ZCWPW2: variants seen among roughly 807,000 people sequenced by gnomAD.
ZCWPW2 encodes zinc finger CW-type and PWWP domain containing 2.
A neutral mutation model predicts 46.6 loss-of-function variants in ZCWPW2; 45 were observed. The ratio of observed to expected loss-of-function variants is 0.96; its 90% CI spans 0.76 to 1.24. The LOEUF (loss-of-function observed/expected upper bound fraction) is 1.24, where lower values mean the gene tolerates loss of function less well. ZCWPW2 is among the 50% of genes most tolerant of loss of function. The pLI is 0.00. For missense variants in ZCWPW2, 429 were observed against 403.9 expected (o/e 1.06, Z -0.53); for synonymous variants, 152 against 137.1 (o/e 1.11, Z -0.76).
intron 4 of ZCWPW2, among the ~76,000 whole-genome samples, chr3:28,451,319 C>T (rs910677181): frequency 2.6e-5 from 4 of 152,172 alleles, no homozygotes; most frequent in Non-Finnish European, 5.9e-5. Context: ...AACGGAGACT[C>T]AGCCTACATG....
At chr3:28,430,478 T>TATAAGA (rs772373054) in intron 3 of ZCWPW2, among the ~76,000 whole-genome samples, 1 of 152,224 alleles carries the variant, frequency 6.6e-6, no homozygotes, top group Non-Finnish European at 1.5e-5. Flanking sequence ...TTGCCTTGTC[T>TATAAGA]CAGATGAGAC....
chr3:28,502,138 T>C (rs770701858), intron 6 of ZCWPW2, among the ~76,000 whole-genome samples: 24 of 152,156 alleles, frequency 1.6e-4, no homozygotes, highest in Non-Finnish European at 4.4e-5. Flanking sequence ...TTTAACAAGA[T>C]ACTCTTTAGT....
chr3:28,424,445 TAAG>T (rs1258001447), intron 3 of ZCWPW2, among the ~76,000 whole-genome samples: 1 of 152,018 alleles, frequency 6.6e-6, no homozygotes, highest in Non-Finnish European at 1.5e-5. Context: ...AGATCAAAAG[TAAG>T]AAGGGCCCTA....
At chr3:28,499,231 C>G (rs139278220) in intron 6 of ZCWPW2, among the ~76,000 whole-genome samples, 1 of 152,152 alleles carries the variant, frequency 6.6e-6, no homozygotes, top group Non-Finnish European at 1.5e-5. Flanking sequence ...ACACTGTCTT[C>G]CACAGTGGTT....
rs1315758260 is a variant in ZCWPW2, at chr3:28,365,426, T to C, written c.-134+16223T>C. 4.2e-5 allele frequency among the ~76,000 whole-genome samples: 6 copies of C among 141,274 alleles called. 1 individual carries two copies. The highest frequency in any genetic ancestry group is 6.3e-5 in the Non-Finnish European group (4 of 63,056). The allele number at this position is 141,274 out of a possible 152,430, so 92.7% of individuals were successfully genotyped here. On this transcript the variant is annotated intron_variant, in intron 1 of 9. Transcript: ENST00000383768. Reference sequence around the variant, plus strand: ...GGAATCGTTTCCCCATTGCTTGTTTTTGTCAGGTTTGTCAAAGATCATATG... The same window carrying C: ...GGAATCGTTTCCCCATTGCTTGTTTCTGTCAGGTTTGTCAAAGATCATATG...
intron 1 of ZCWPW2, among the ~76,000 whole-genome samples, chr3:28,372,372 G>A (rs1046271633): frequency 1.3e-5 from 2 of 152,002 alleles, no homozygotes; most frequent in African/African-American, 4.8e-5. Flanking sequence ...TTTAGAAAAG[G>A]AAAATAAGCA....
intron 2 of ZCWPW2, among the ~76,000 whole-genome samples, chr3:28,404,792 C>G (rs553368827): frequency 6.6e-6 from 1 of 152,136 alleles, no homozygotes; most frequent in Non-Finnish European, 1.5e-5. Flanking sequence ...GAAAACCAAA[C>G]GTCATATTCC....
At position 28,350,960 on chromosome 3, in the gene ZCWPW2, G is replaced by C. The variant is rs149044084; in HGVS notation, c.-134+1757G>C. Reference sequence around the variant, plus strand: ...ATCTTGATTCCATTGAAATTTATTGGAACTTTGCTTAGGGATTTTTTTCAG... The same window carrying C: ...ATCTTGATTCCATTGAAATTTATTGCAACTTTGCTTAGGGATTTTTTTCAG... On this transcript the variant is annotated intron_variant, in intron 1 of 9. Transcript: ENST00000383768. Among the ~76,000 whole-genome samples, 749 of 151,806 alleles carry C rather than the reference G, an allele frequency of 4.9e-3. 26 individuals are homozygous for C. Among genetic ancestry groups the C allele is most frequent in the African/African-American group, 0.018 (722 of 41,228 alleles).
intron 4 of ZCWPW2, among the ~76,000 whole-genome samples, chr3:28,440,618 C>G (rs1234118389): frequency 6.6e-6 from 1 of 152,186 alleles, no homozygotes; most frequent in Non-Finnish European, 1.5e-5. Context: ...ACTGTTCTAT[C>G]AATCCAGCTA....
intron 3 of ZCWPW2, among the ~76,000 whole-genome samples, chr3:28,413,628 A>G (rs1696499886): frequency 6.6e-6 from 1 of 151,968 alleles, no homozygotes; most frequent in Non-Finnish European, 1.5e-5. Context: ...AAAGCTATAA[A>G]TTTTTCTCCA....
chr3:28,524,099 C>A (rs574140701), intron 9 of ZCWPW2, among the ~76,000 whole-genome samples: 30 of 151,986 alleles, frequency 2.0e-4, no homozygotes, highest in South Asian at 6.2e-4. Context: ...TTACTAGTAT[C>A]CTTTCCCACT....
At chr3:28,379,832 A>G (rs751724074) in intron 1 of ZCWPW2, among the ~76,000 whole-genome samples, 15 of 152,220 alleles carry the variant, frequency 9.9e-5, no homozygotes, top group Admixed American at 1.3e-4. Flanking sequence ...CTCAAGTAAC[A>G]TATCAAGAAG....
intron 1 of ZCWPW2, among the ~76,000 whole-genome samples, chr3:28,379,826 A>G (rs929285989): frequency 1.1e-4 from 17 of 152,204 alleles, no homozygotes; most frequent in African/African-American, 4.1e-4. Context: ...TTGTAGCTCA[A>G]GTAACATATC....
intron 3 of ZCWPW2, among the ~76,000 whole-genome samples, chr3:28,433,401 A>C (rs890573005): frequency 1.3e-5 from 2 of 152,132 alleles, no homozygotes; most frequent in African/African-American, 4.8e-5. Context: ...TTTTCAAACC[A>C]TGTTTTCACC....
intron 2 of ZCWPW2, among the ~76,000 whole-genome samples, chr3:28,391,998 G>A (rs928666440): frequency 1.3e-5 from 2 of 152,202 alleles, no homozygotes; most frequent in African/African-American, 4.8e-5. Flanking sequence ...TACATTGAAT[G>A]TCAGTGGATC....
intron 4 of ZCWPW2, among the ~76,000 whole-genome samples, chr3:28,477,114 AT>A (rs528264225): frequency 6.6e-6 from 1 of 152,124 alleles, no homozygotes; most frequent in East Asian, 1.9e-4. Flanking sequence ...CTTTAAAGTG[AT>A]TTTTCACCAT....
intron 5 of ZCWPW2, among the ~76,000 whole-genome samples, chr3:28,488,664 A>G (rs1699691054): frequency 6.6e-6 from 1 of 152,200 alleles, no homozygotes. Context: ...CTACTCATTT[A>G]GAACATTTTC....
At chr3:28,370,275 G>T (rs1411827247) in intron 1 of ZCWPW2, among the ~76,000 whole-genome samples, 1 of 152,150 alleles carries the variant, frequency 6.6e-6, no homozygotes. Context: ...GACTGGAGCT[G>T]TTCCTATTTG....
intron 5 of ZCWPW2, among the ~76,000 whole-genome samples, chr3:28,489,713 C>G (rs546547043): frequency 1.9e-3 from 293 of 150,294 alleles, no homozygotes; most frequent in African/African-American, 6.7e-3. Flanking sequence ...CACCCCATGT[C>G]TACTAGCTAA....
Sources: gnomAD v4.1 joint callset for allele counts (sites outside exome capture counted in the v4.1 genomes callset) on GRCh38, gnomAD v4.1.1 for gene constraint, MANE v1.5 for transcripts, NCBI Gene and HGNC (gene_info 2026-07-23, HGNC 2026-07-21) for gene names.